SPTLC3: variants seen among roughly 807,000 people sequenced by gnomAD.
SPTLC3 encodes serine palmitoyltransferase long chain base subunit 3, also known as serine palmitoyltransferase 3.
SPTLC3 carries 36 observed loss-of-function variants against 59.3 expected under a neutral mutation model. The ratio of observed to expected loss-of-function variants is 0.61; its 90% CI spans 0.47 to 0.80. SPTLC3 has a LOEUF of 0.80. Among genes scored for constraint, SPTLC3 ranks in the 30% least tolerant of loss-of-function variants. SPTLC3 has a pLI of 0.00. For synonymous variants in SPTLC3, 257 were observed against 240.8 expected, an observed-to-expected ratio of 1.07 and a Z score of -0.62; for missense variants, 625 against 685.1, an observed-to-expected ratio of 0.91 and a Z score of 0.98.
intron 10 of SPTLC3, among the ~76,000 whole-genome samples, chr20:13,157,199 A>T (rs1450090435): frequency 6.6e-6 from 1 of 151,588 alleles, no homozygotes; most frequent in East Asian, 1.9e-4. Context: ...ACACTTTAGG[A>T]GGCTGAGGCA....
chr20:13,092,418 C>T (rs536800590), intron 5 of SPTLC3, among the ~76,000 whole-genome samples: 1 of 152,316 alleles, frequency 6.6e-6, no homozygotes, highest in South Asian at 2.1e-4. Context: ...AATGTATGGT[C>T]TTAGACTGGA....
At position 13,166,678 on chromosome 20, in the gene SPTLC3, T is replaced by A. The variant is rs1362910054; in HGVS notation, c.*1811T>A. ...AAATGCATAAATGCCTTGCGTTCTA[T>A]AAAGGAAACAGGAGGTCAAAAAGAC... On this transcript the variant is annotated 3_prime_UTR_variant, in exon 12 of 12. Transcript: ENST00000399002. 6.6e-6 allele frequency: 1 copy of A among 152,236 alleles called. No individual in the cohort carries two copies. Among genetic ancestry groups the A allele is most frequent in the African/African-American group, 2.4e-5 (1 of 41,460 alleles). 9.4% of individuals were successfully genotyped at this position (152,236 alleles called of 1,614,324 possible).
At chr20:13,136,195 G>A (rs1215483773) in intron 9 of SPTLC3, among the ~76,000 whole-genome samples, 1 of 151,940 alleles carries the variant, frequency 6.6e-6, no homozygotes, top group Non-Finnish European at 1.5e-5. Flanking sequence ...GCAGGGGAGG[G>A]GACAATGTGT....
At chr20:13,100,154 T>G (rs1356580340) in intron 6 of SPTLC3, among the ~76,000 whole-genome samples, 6 of 152,192 alleles carry the variant, frequency 3.9e-5, no homozygotes, top group Non-Finnish European at 8.8e-5. Flanking sequence ...TCTGGGCCCT[T>G]GGATTTTTTA....
At chr20:13,074,317 G>T in intron 3 of SPTLC3, 32 bp from the exon 4 acceptor site, 1 of 1,610,386 alleles carries the variant, frequency 6.2e-7, no homozygotes, top group Non-Finnish European at 8.5e-7. Context: ...CTGGGGAGGG[G>T]ATTATGTGCT....
At chr20:13,086,284 A>C (rs1989002838) in intron 4 of SPTLC3, among the ~76,000 whole-genome samples, 1 of 152,190 alleles carries the variant, frequency 6.6e-6, no homozygotes, top group African/African-American at 2.4e-5. Context: ...TTATTTCCCC[A>C]AGCTCTTCCT....
intron 1 of SPTLC3, among the ~76,000 whole-genome samples, chr20:13,027,904 T>A (rs1008894980): frequency 2.6e-5 from 4 of 152,050 alleles, no homozygotes; most frequent in South Asian, 4.1e-4. Flanking sequence ...TGTCATCACA[T>A]CTCTATGTTT....
intron 4 of SPTLC3, among the ~76,000 whole-genome samples, chr20:13,078,482 T>G (rs1988726323): frequency 6.6e-6 from 1 of 151,874 alleles, no homozygotes; most frequent in Non-Finnish European, 1.5e-5. Context: ...AATATCTACC[T>G]CAAAGAGATT....
chr20:13,111,751 G>C (rs1359554126), intron 7 of SPTLC3, among the ~76,000 whole-genome samples: 1 of 152,170 alleles, frequency 6.6e-6, no homozygotes, highest in African/African-American at 2.4e-5. Flanking sequence ...AGCAGACTGG[G>C]CATCTCCTTT....
At chr20:13,136,252 T>A (rs991165872) in intron 9 of SPTLC3, among the ~76,000 whole-genome samples, 1 of 152,150 alleles carries the variant, frequency 6.6e-6, no homozygotes, top group Non-Finnish European at 1.5e-5. Flanking sequence ...TAAGATGGAA[T>A]AATGACTTGT....
intron 1 of SPTLC3, among the ~76,000 whole-genome samples, chr20:13,029,521 T>TTGA (rs112908444): frequency 0.11 from 16,940 of 152,102 alleles, 1,476 homozygotes; most frequent in African/African-American, 0.24. Context: ...TATATGGCAC[T>TTGA]TGAAAACAAT....
chr20:13,118,672 G>GTT, intron 8 of SPTLC3, among the ~76,000 whole-genome samples: 1 of 152,134 alleles, frequency 6.6e-6, no homozygotes, highest in East Asian at 1.9e-4. Flanking sequence ...CTCAGCCTAG[G>GTT]ATGCCACACC....
intron 1 of SPTLC3, among the ~76,000 whole-genome samples, chr20:13,048,400 T>C (rs945586895): frequency 3.9e-5 from 6 of 152,236 alleles, no homozygotes; most frequent in Non-Finnish European, 7.3e-5. Context: ...AGTTGTCCTA[T>C]AGAAAGTTCT....
At chr20:13,110,559 A>C (rs1378843968) in intron 7 of SPTLC3, among the ~76,000 whole-genome samples, 1 of 151,908 alleles carries the variant, frequency 6.6e-6, no homozygotes. Context: ...AGATCAAAAC[A>C]CTCCTTGCCT....
intron 9 of SPTLC3, among the ~76,000 whole-genome samples, chr20:13,145,043 G>A (rs2038477498): frequency 6.6e-6 from 1 of 152,092 alleles, no homozygotes; most frequent in Admixed American, 6.5e-5. Context: ...CCAAAGTGCT[G>A]GGATTACAGG....
At chr20:13,056,832 C>A (rs1336418788) in intron 2 of SPTLC3, among the ~76,000 whole-genome samples, 1 of 151,766 alleles carries the variant, frequency 6.6e-6, no homozygotes, top group Non-Finnish European at 1.5e-5. Flanking sequence ...ACCTCCACCT[C>A]CCAGGTTCAA....
rs1303490752 is a variant in SPTLC3, at chr20:13,074,570, G to C, written c.607+73G>C. On this transcript the variant is annotated intron_variant, in intron 4 of 11. Transcript: ENST00000399002. ...TCCTTGTGTCTGTCTCTCAAATCTA[G>C]ATCATATTTGGACTGTGTCCCTTAA... 7.4e-6 allele frequency: 11 copies of C among 1,492,586 alleles called. No individual in the cohort carries two copies. The African/African-American group carries it at 1.5e-4, about 21-fold the overall frequency. The allele number at this position is 1,492,586 out of a possible 1,614,324, so 92.5% of individuals were successfully genotyped here.
intron 8 of SPTLC3, among the ~76,000 whole-genome samples, chr20:13,122,817 C>T (rs2037897058): frequency 6.6e-6 from 1 of 152,146 alleles, no homozygotes; most frequent in African/African-American, 2.4e-5. Flanking sequence ...TTTCTTTTCA[C>T]TCCTACTGCC....
intron 9 of SPTLC3, among the ~76,000 whole-genome samples, chr20:13,145,091 G>GA (rs962448797): frequency 1.3e-4 from 20 of 151,034 alleles, no homozygotes; most frequent in Non-Finnish European, 2.7e-4. Flanking sequence ...GTGTATTCTT[G>GA]AAAAAAAAAT....
Sources: gnomAD v4.1 joint callset for allele counts (sites outside exome capture counted in the v4.1 genomes callset) on GRCh38, gnomAD v4.1.1 for gene constraint, MANE v1.5 for transcripts, NCBI Gene and HGNC (gene_info 2026-07-23, HGNC 2026-07-21) for gene names.